Variants in FAM131B observed in about 807,000 individuals in gnomAD.
FAM131B encodes the protein family with sequence similarity 131 member B, also known as protein FAM131B.
Under a neutral mutation model 42.0 loss-of-function variants are expected in FAM131B, and 19 were observed. The observed-to-expected ratio is 0.45, with a 90% confidence interval of 0.32 to 0.66. FAM131B has a LOEUF of 0.66. Among genes scored for constraint, FAM131B ranks in the 30% least tolerant of loss-of-function variants. The pLI, the probability that FAM131B is intolerant of heterozygous loss-of-function variation, is 0.05. For synonymous variants in FAM131B, 183 were observed against 177.6 expected (o/e 1.03, Z -0.24); for missense variants, 370 against 468.4 (o/e 0.79, Z 1.94).
chr7:143,374,409 C>T, the FAM131B span, among the ~76,000 whole-genome samples: 1 of 152,128 alleles, frequency 6.6e-6, no homozygotes, highest in Admixed American at 6.5e-5. Context: ...CACTTTTGTC[C>T]ATTTCCACAA....
At chr7:143,374,752 G>A in the FAM131B span, among the ~76,000 whole-genome samples, 1 of 152,142 alleles carries the variant, frequency 6.6e-6, no homozygotes, top group Non-Finnish European at 1.5e-5. Flanking sequence ...AGCTGTCACA[G>A]GGCTTTGCAA....
chr7:143,360,375 T>A (rs747577993), intron 1 of FAM131B: 91 of 1,394,672 alleles, frequency 6.5e-5, no homozygotes, highest in Non-Finnish European at 8.4e-5. Context: ...TATGGCCTTA[T>A]TTGTTGTTGT....
At chr7:143,378,315 C>T in the FAM131B span, among the ~76,000 whole-genome samples, 1 of 152,182 alleles carries the variant, frequency 6.6e-6, no homozygotes, top group Non-Finnish European at 1.5e-5. Context: ...ATGCTGTGCA[C>T]TCTTGAAGAA....
the FAM131B span, among the ~76,000 whole-genome samples, chr7:143,376,649 C>A: frequency 6.6e-6 from 1 of 152,302 alleles, no homozygotes; most frequent in South Asian, 2.1e-4. Context: ...GATGCGCGCC[C>A]AACCCATCCA....
At chr7:143,380,071 C>CA in the FAM131B span, 1 of 985,198 alleles carries the variant, frequency 1.0e-6, no homozygotes, top group Admixed American at 6.2e-5. The surrounding 1 kb of genome is among the most constrained non-coding windows in gnomAD (Gnocchi z 5.0). Context: ...ACTGGACACT[C>CA]AGTGTGAACA....
At chr7:143,380,240 A>AC in the FAM131B span, 15 of 984,788 alleles carry the variant, frequency 1.5e-5, no homozygotes, top group Non-Finnish European at 1.7e-5. This position sits in a 1 kb window ranked among gnomAD's most constrained non-coding sequence, Gnocchi z 5.0. Context: ...ATTAAAAAAA[A>AC]AAAAAAAAAG....
At chr7:143,363,655 A>C (rs1178616831), upstream of FAM131B, among the ~76,000 whole-genome samples, 1 of 152,208 alleles carries the variant, frequency 6.6e-6, no homozygotes, top group Non-Finnish European at 1.5e-5. Context: ...AGTGGAGTCC[A>C]GAAAAGATGC....
In FAM131B at chr7:143,356,694, T is replaced by C; in HGVS notation, c.939A>G (p.Glu313=). 1 of 1,614,122 alleles carries C rather than the reference T, an allele frequency of 6.2e-7. No homozygotes were observed. The highest frequency in any genetic ancestry group is 1.1e-5 in the South Asian group (1 of 91,080). The change falls in exon 7 of 7, where the codon GAA becomes GAG. Residue 313 remains glutamate (E), a synonymous_variant. Transcript: ENST00000443739. The surrounding 1 kb of genome is among the most constrained non-coding windows in gnomAD (Gnocchi z 4.4). ...EEKRPLAPEE[E]EDAGCRDLES... ...CCAGGTCCCGGCATCCCGCATCCTC[T>C]TCCTCCTCAGGTGCCAATGGCCTCT...
rs777520748 is a variant in FAM131B at position 143,360,165 on chromosome 7, G to A, written c.29-16C>T. ...ACCTCATTCCCTGAGGGGGCCAGAA[G>A]GTTAGCCGCCGGCCCTCACCTCCCT... On this transcript the variant is annotated splice_polypyrimidine_tract_variant and intron_variant, in intron 1 of 6. Coordinates refer to ENST00000443739, the MANE Select transcript of FAM131B (RefSeq NM_001031690.3). 1 of 1,593,772 alleles carries A rather than the reference G, an allele frequency of 6.3e-7. No individual in the cohort carries two copies. Among genetic ancestry groups the A allele is most frequent in the Admixed American group, 1.7e-5 (1 of 57,780 alleles).
Position 143,356,140 on chromosome 7 carries a change from A to C in FAM131B, c.*410T>G, listed in dbSNP as rs1779919885. ...GGGAAAAGCAAGAGTGAAATGGAGA[A>C]AGGAGGCATTCAGACAGCAGAGTTA... is the stretch of plus-strand genomic sequence containing the variant. On this transcript the variant is annotated 3_prime_UTR_variant, in exon 7 of 7. Transcript: ENST00000443739. The surrounding 1 kb of genome is among the most constrained non-coding windows in gnomAD (Gnocchi z 4.4). The C allele has an allele frequency of 1.0e-5, 2 of 196,140 alleles. No homozygotes were observed. Among genetic ancestry groups the C allele is most frequent in the African/African-American group, 2.3e-5 (1 of 42,578 alleles). 12.1% of individuals were successfully genotyped at this position (196,140 alleles called of 1,614,324 possible).
chr7:143,376,401 G>C, the FAM131B span, among the ~76,000 whole-genome samples: 1 of 152,162 alleles, frequency 6.6e-6, no homozygotes, highest in African/African-American at 2.4e-5. Flanking sequence ...GAAATTAACT[G>C]GTAAATGTTG....
chr7:143,372,884 G>C, the FAM131B span, among the ~76,000 whole-genome samples: 10 of 151,874 alleles, frequency 6.6e-5, no homozygotes, highest in Admixed American at 6.6e-4. Flanking sequence ...GCTTGAACCC[G>C]GGAGGCGGAG....
rs1316369212 is a variant in FAM131B at position 143,359,630 on chromosome 7, C to G, written c.174+102G>C. The G allele has an allele frequency of 4.2e-6, 5 of 1,183,614 alleles. No individual in the cohort carries two copies. Among genetic ancestry groups the G allele is most frequent in the Non-Finnish European group, 6.2e-6 (5 of 811,286 alleles). 73.3% of individuals were successfully genotyped at this position (1,183,614 alleles called of 1,614,324 possible). On this transcript the variant is annotated intron_variant, in intron 3 of 6. Transcript: ENST00000443739. The surrounding 1 kb of genome is among the most constrained non-coding windows in gnomAD (Gnocchi z 5.4). Reference sequence around the variant, plus strand: ...TTGAGAACGTGAGTGCTCACAGTGCCTATTGGAGCCAGGGAATACCGTGCT... The same window carrying G: ...TTGAGAACGTGAGTGCTCACAGTGCGTATTGGAGCCAGGGAATACCGTGCT...
At position 143,362,274 on chromosome 7, in the gene FAM131B, C is replaced by T. The variant is rs1014831250; in HGVS notation, c.28+302G>A. Among the ~76,000 whole-genome samples, 1 of 151,866 alleles carries T rather than the reference C, an allele frequency of 6.6e-6. No homozygotes were observed. The highest frequency in any genetic ancestry group is 2.4e-5 in the African/African-American group (1 of 41,342). Reference sequence around the variant, plus strand: ...GAGGGGCAGGGATGAGGGGACCGAGCGTCGGGCCGAGAGGCAGAGGAGAGG... The same window carrying T: ...GAGGGGCAGGGATGAGGGGACCGAGTGTCGGGCCGAGAGGCAGAGGAGAGG... On this transcript the variant is annotated intron_variant, in intron 1 of 6. Coordinates refer to ENST00000443739, the MANE Select transcript of FAM131B (RefSeq NM_001031690.3). This position sits in a 1 kb window ranked among gnomAD's most constrained non-coding sequence, Gnocchi z 7.7.
chr7:143,356,667 C>T lies in FAM131B; in HGVS notation c.966G>A (p.Glu322=). The T allele has an allele frequency of 6.2e-7, 1 of 1,614,120 alleles. No individual in the cohort carries two copies. Among genetic ancestry groups the T allele is most frequent in the Non-Finnish European group, 8.5e-7 (1 of 1,180,022 alleles). The stretch of plus-strand genomic sequence containing the variant: ...CAGGGTCTTCTCGTGGGGAAAGTGA[C>T]TCCAGGTCCCGGCATCCCGCATCCT... ...EEEDAGCRDL[E]SLSPREDPEM... Residue 322 remains glutamate (E), a synonymous_variant, in exon 7 of 7, where the codon GAG becomes GAA. Transcript: ENST00000443739. The surrounding 1 kb of genome is among the most constrained non-coding windows in gnomAD (Gnocchi z 4.4).
At chr7:143,381,579 C>T in the FAM131B span, 7 of 1,609,476 alleles carry the variant, frequency 4.3e-6, no homozygotes, top group Admixed American at 1.7e-5. Flanking sequence ...GCCATGGCGG[C>T]CCCCCGCCCG....
At chr7:143,381,354 G>A in the FAM131B span, 2,913 of 1,152,424 alleles carry the variant, frequency 2.5e-3, 3 homozygotes, top group Non-Finnish European at 2.9e-3. Flanking sequence ...CGCAGAGTCT[G>A]CGGACCCGGC....
the FAM131B span, chr7:143,380,519 G>A: frequency 2.0e-6 from 2 of 985,406 alleles, no homozygotes; most frequent in Non-Finnish European, 2.4e-6. The surrounding 1 kb of genome is among the most constrained non-coding windows in gnomAD (Gnocchi z 5.0). Flanking sequence ...CGTCCTCCCG[G>A]GTCTCCAGTC....
chr7:143,358,127 A>C lies in FAM131B; in HGVS notation c.466+700T>G, dbSNP rs989640725. ...GGGTAGACCTGGGGATCCCTATTCT[A>C]GTCAAATCCATGAGCGTGTTGAAGC... On this transcript the variant is annotated intron_variant, in intron 5 of 6. Coordinates refer to ENST00000443739, the MANE Select transcript of FAM131B (RefSeq NM_001031690.3). The surrounding 1 kb of genome is among the most constrained non-coding windows in gnomAD (Gnocchi z 4.7). Among the ~76,000 whole-genome samples the C allele has an allele frequency of 1.3e-5, 2 of 152,144 alleles. No homozygotes were observed. Among genetic ancestry groups the C allele is most frequent in the African/African-American group, 4.8e-5 (2 of 41,430 alleles).
Sources: allele counts gnomAD v4.1 joint callset (sites outside exome capture counted in the v4.1 genomes callset), GRCh38; gene constraint gnomAD v4.1.1; non-coding constraint Gnocchi (gnomAD v3.1); transcripts MANE v1.5; gene names NCBI Gene and HGNC (gene_info 2026-07-23, HGNC 2026-07-21).